Variants in CMTM8 observed in about 807,000 individuals in gnomAD.
CMTM8 encodes CKLF-like MARVEL transmembrane domain-containing protein 8.
CMTM8 carries 12 observed loss-of-function variants against 18.6 expected under a neutral mutation model. That is an observed-to-expected ratio of 0.65 (90% confidence interval 0.41 to 1.05). CMTM8 has a LOEUF of 1.05. CMTM8 is among the 50% of genes least tolerant of loss of function. The probability of loss-of-function intolerance (pLI) is 0.00; values close to 1 mark genes in which losing one functional copy is unlikely to be tolerated. For synonymous variants in CMTM8, 87 were observed against 90.6 expected, an observed-to-expected ratio of 0.96 and a Z score of 0.23; for missense variants, 217 against 227.2, an observed-to-expected ratio of 0.95 and a Z score of 0.29.
intron 1 of CMTM8, chr3:32,259,304 G>C (rs1702221459): frequency 5.7e-6 from 4 of 697,968 alleles, no homozygotes; most frequent in African/African-American, 3.5e-5. Flanking sequence ...AGGGACCCCA[G>C]GTCAGAGACT....
chr3:32,263,073 C>T (rs999991735), intron 1 of CMTM8, among the ~76,000 whole-genome samples: 3 of 151,552 alleles, frequency 2.0e-5, no homozygotes, highest in Non-Finnish European at 1.5e-5. Flanking sequence ...CAGATGATTT[C>T]TGCATTTCCA....
In CMTM8 at chr3:32,322,959, C is replaced by G. The variant is rs552119628; in HGVS notation, c.148-34414C>G. On this transcript the variant is annotated intron_variant, in intron 1 of 3. Coordinates refer to ENST00000307526, the MANE Select transcript of CMTM8 (RefSeq NM_178868.5). Reference sequence around the variant, plus strand: ...TTTTATGGCTTGGGCGGGGTGGGACCTCATGGGATGCTGTATAGGCTCTCT... The same window carrying G: ...TTTTATGGCTTGGGCGGGGTGGGACGTCATGGGATGCTGTATAGGCTCTCT... Among the ~76,000 whole-genome samples the G allele has an allele frequency of 8.7e-4, 133 of 152,244 alleles. 1 individual carries two copies. Among genetic ancestry groups the G allele is most frequent in the African/African-American group, 3.0e-3 (125 of 41,546 alleles).
chr3:32,346,255 C>T (rs1696593122), intron 1 of CMTM8, among the ~76,000 whole-genome samples: 1 of 152,216 alleles, frequency 6.6e-6, no homozygotes, highest in African/African-American at 2.4e-5. Flanking sequence ...GAAGTTCTTA[C>T]TCCCATAACT....
At chr3:32,323,057 C>G (rs1307742567) in intron 1 of CMTM8, among the ~76,000 whole-genome samples, 1 of 152,138 alleles carries the variant, frequency 6.6e-6, no homozygotes, top group Non-Finnish European at 1.5e-5. Context: ...TGAGGTCAGC[C>G]TAGCAGCTGG....
At chr3:32,318,562 T>G in intron 1 of CMTM8, among the ~76,000 whole-genome samples, 1 of 143,426 alleles carries the variant, frequency 7.0e-6, no homozygotes. Flanking sequence ...TAGTCATTAT[T>G]AATTTTTTTT....
At chr3:32,279,684 G>C (rs1244592023) in intron 1 of CMTM8, among the ~76,000 whole-genome samples, 3 of 79,916 alleles carry the variant, frequency 3.8e-5, no homozygotes, top group African/African-American at 1.6e-4. Flanking sequence ...AGTCATTTGG[G>C]TATATACCCA....
intron 1 of CMTM8, among the ~76,000 whole-genome samples, chr3:32,305,255 G>C (rs1695697053): frequency 6.9e-6 from 1 of 145,336 alleles, no homozygotes; most frequent in Non-Finnish European, 1.5e-5. Flanking sequence ...TTTTCAGACG[G>C]AGTCTCGCTC....
intron 1 of CMTM8, among the ~76,000 whole-genome samples, chr3:32,257,735 C>T (rs576061476): frequency 6.6e-6 from 1 of 151,928 alleles, no homozygotes; most frequent in East Asian, 1.9e-4. Context: ...TCTGTTGCTT[C>T]TCCTGTGCTG....
chr3:32,284,427 C>T (rs1702648875), intron 1 of CMTM8, among the ~76,000 whole-genome samples: 1 of 152,220 alleles, frequency 6.6e-6, no homozygotes, highest in Admixed American at 6.5e-5. Context: ...CAGCCCAGTG[C>T]CCAGGGAAGC....
intron 1 of CMTM8, among the ~76,000 whole-genome samples, chr3:32,316,876 A>T (rs946728244): frequency 6.6e-6 from 1 of 152,234 alleles, no homozygotes; most frequent in East Asian, 1.9e-4. Flanking sequence ...CAATTTGCCA[A>T]TATGGTAGAT....
At chr3:32,240,449 C>G (rs1314102573) in intron 1 of CMTM8, among the ~76,000 whole-genome samples, 1 of 152,212 alleles carries the variant, frequency 6.6e-6, no homozygotes, top group Non-Finnish European at 1.5e-5. Flanking sequence ...TGGCAGGCTC[C>G]TCTGCTTCAG....
At chr3:32,323,975 T>G (rs1342251188) in intron 1 of CMTM8, among the ~76,000 whole-genome samples, 1 of 152,244 alleles carries the variant, frequency 6.6e-6, no homozygotes, top group African/African-American at 2.4e-5. Flanking sequence ...GTTCTGCTAG[T>G]TGCCAACAAC....
At chr3:32,361,295 T>TTTTTTTTTTTTTTTTTTTTTTTTTAA (rs1553608182) in intron 2 of CMTM8, among the ~76,000 whole-genome samples, 1 of 146,592 alleles carries the variant, frequency 6.8e-6, no homozygotes, top group Non-Finnish European at 1.5e-5. Flanking sequence ...AGTTTTTTTT[T>TTTTTTTTTTTTTTTTTTTTTTTTTAA]CTTTCAAATT....
chr3:32,353,875 C>G (rs540138382), intron 1 of CMTM8, among the ~76,000 whole-genome samples: 1 of 150,380 alleles, frequency 6.6e-6, no homozygotes, highest in Admixed American at 6.6e-5. Flanking sequence ...GCCTCTGCCT[C>G]CTGGGTTCAA....
chr3:32,351,723 A>T (rs1696712964), intron 1 of CMTM8, among the ~76,000 whole-genome samples: 1 of 151,992 alleles, frequency 6.6e-6, no homozygotes, highest in South Asian at 2.1e-4. Context: ...AAAAAAAAAA[A>T]TATGTAAAAA....
At position 32,357,365 on chromosome 3, in the gene CMTM8, C is replaced by G; in HGVS notation, c.148-8C>G. ...CCTCCTCTCTCCACTGCTTCTACCA[C>G]TTTACAGGTTCTGGGGCTGCTGGTA... On this transcript the variant is annotated splice_polypyrimidine_tract_variant and splice_region_variant and intron_variant, in intron 1 of 3. Coordinates refer to ENST00000307526, the MANE Select transcript of CMTM8 (RefSeq NM_178868.5). 6.2e-7 allele frequency: 1 copy of G among 1,612,932 alleles called. No homozygotes were observed. Among genetic ancestry groups the G allele is most frequent in the South Asian group, 1.1e-5 (1 of 91,006 alleles).
intron 1 of CMTM8, among the ~76,000 whole-genome samples, chr3:32,298,432 A>G (rs1482825994): frequency 7.6e-6 from 1 of 131,172 alleles, no homozygotes; most frequent in Non-Finnish European, 1.6e-5. Flanking sequence ...CTATAAACAT[A>G]CCCCCCTTTT....
chr3:32,238,948 G>T lies in CMTM8; in HGVS notation c.-25G>T, dbSNP rs1701906391. 7 of 1,540,408 alleles carry T rather than the reference G, an allele frequency of 4.5e-6. No individual in the cohort carries two copies. Among genetic ancestry groups the T allele is most frequent in the Non-Finnish European group, 6.1e-6 (7 of 1,142,140 alleles). On this transcript the variant is annotated 5_prime_UTR_variant, in exon 1 of 4. Coordinates refer to ENST00000307526, the MANE Select transcript of CMTM8 (RefSeq NM_178868.5). ...CAGACCCGCCGGGGTCCCTGGGGAC[G>T]CGCCAGCCCGGCAGTGGCTCGACGA...
intron 1 of CMTM8, among the ~76,000 whole-genome samples, chr3:32,249,571 A>T (rs1702087823): frequency 6.6e-6 from 1 of 152,158 alleles, no homozygotes; most frequent in Non-Finnish European, 1.5e-5. Context: ...GATTCTGACC[A>T]TCCTAGTGAA....
Sources: allele counts gnomAD v4.1 joint callset (sites outside exome capture counted in the v4.1 genomes callset), GRCh38; gene constraint gnomAD v4.1.1; transcripts MANE v1.5; gene names NCBI Gene and HGNC (gene_info 2026-07-23, HGNC 2026-07-21).